Variants in ETNK1 observed in about 807,000 individuals in gnomAD.
ETNK1 encodes the protein ethanolamine kinase 1.
In ETNK1, 8 loss-of-function variants were observed where a neutral mutation model predicts 45.1. The ratio of observed to expected loss-of-function variants is 0.18; its 90% CI spans 0.10 to 0.32. The LOEUF is 0.32. Ranked by LOEUF, ETNK1 falls within the 10% of genes least tolerant of loss-of-function variation. The probability of loss-of-function intolerance (pLI) is 1.00; values close to 1 mark genes in which losing one functional copy is unlikely to be tolerated. For missense variants in ETNK1, 302 were observed against 430.6 expected, an observed-to-expected ratio of 0.70 and a Z score of 2.64; for synonymous variants, 152 against 151.9, an observed-to-expected ratio of 1.00 and a Z score of -0.01.
rs1954274106 is a variant in ETNK1 at position 22,688,033 on chromosome 12, G to T, written c.*3079G>T. The T allele has an allele frequency of 1.3e-5, 2 of 152,184 alleles. No homozygotes were observed. Among genetic ancestry groups the T allele is most frequent in the African/African-American group, 4.8e-5 (2 of 41,488 alleles). 9.4% of individuals were successfully genotyped at this position (152,184 alleles called of 1,614,324 possible). On this transcript the variant is annotated 3_prime_UTR_variant, in exon 8 of 8. Transcript: ENST00000266517. ...GTGAGGTTAGATTCCTGGAAGCAGTGAATTTATACACTGTTATATTAATAG... is the reference window on the plus strand; with the variant it reads ...GTGAGGTTAGATTCCTGGAAGCAGTTAATTTATACACTGTTATATTAATAG...
chr12:22,649,419 C>G (rs565213137), intron 2 of ETNK1, among the ~76,000 whole-genome samples: 2 of 152,092 alleles, frequency 1.3e-5, no homozygotes, highest in South Asian at 2.1e-4. Context: ...TGTCTAGATT[C>G]ATGTTTTTGC....
At chr12:22,680,714 G>A (rs1489903410) in intron 6 of ETNK1, among the ~76,000 whole-genome samples, 4 of 152,132 alleles carry the variant, frequency 2.6e-5, no homozygotes, top group African/African-American at 7.2e-5. Flanking sequence ...TACATGTTTT[G>A]AAATAGTATA....
intron 6 of ETNK1, chr12:22,682,378 A>T (rs575484499): frequency 2.6e-6 from 1 of 380,210 alleles, no homozygotes; most frequent in Non-Finnish European, 5.3e-6. Flanking sequence ...ATGTCTGCCA[A>T]ATACTCAAGT....
In ETNK1 at chr12:22,689,070, G is replaced by C. The variant is rs998701301; in HGVS notation, c.*4116G>C. On this transcript the variant is annotated 3_prime_UTR_variant, in exon 8 of 8. Coordinates refer to ENST00000266517, the MANE Select transcript of ETNK1 (RefSeq NM_018638.5). ...TGTGTTGCTGTAACAGAAAATACTT[G>C]GGTATGCATTACTTGAATACTTGAA... The C allele has an allele frequency of 6.6e-6, 1 of 151,706 alleles. No individual in the cohort carries two copies. Among genetic ancestry groups the C allele is most frequent in the Admixed American group, 6.6e-5 (1 of 15,236 alleles). The allele number at this position is 151,706 out of a possible 1,614,324, so 9.4% of individuals were successfully genotyped here. A position where few individuals can be genotyped will look rare whatever the true frequency, so the allele number is the denominator to read the frequency against.
At chr12:22,672,011 A>G (rs1954114206) in intron 5 of ETNK1, among the ~76,000 whole-genome samples, 1 of 152,038 alleles carries the variant, frequency 6.6e-6, no homozygotes, top group South Asian at 2.1e-4. Context: ...GAAACTCACC[A>G]AGGTCACAGT....
intron 3 of ETNK1, 24 bp from the exon 4 acceptor site, chr12:22,661,039 T>C: frequency 3.1e-6 from 5 of 1,592,660 alleles, no homozygotes; most frequent in Middle Eastern, 1.7e-4. Context: ...ACACAAGATA[T>C]AACTCTTCTT....
At position 22,659,108 on chromosome 12, in the gene ETNK1, TTCTC is replaced by T; in HGVS notation, c.516_519del (p.Leu173PhefsTer15). 6.2e-7 allele frequency: 1 copy of T among 1,613,760 alleles called. No homozygotes were observed. Among genetic ancestry groups the T allele is most frequent in the Non-Finnish European group, 8.5e-7 (1 of 1,179,752 alleles). On this transcript the variant is annotated frameshift_variant, in exon 3 of 8. Transcript: ENST00000266517. LOFTEE classifies it high-confidence loss of function. The stretch of plus-strand genomic sequence containing the variant: ...TCTTTGGCTAAAGATGGGAAAGTAT[TTCTC>T]TCTCATTCCCACAGGATTTGCAGAT...
chr12:22,658,732 A>G (rs916620870), intron 2 of ETNK1, among the ~76,000 whole-genome samples: 2 of 152,132 alleles, frequency 1.3e-5, no homozygotes, highest in Non-Finnish European at 2.9e-5. Flanking sequence ...TTCTGGGTAA[A>G]ACAACCTAAT....
intron 1 of ETNK1, among the ~76,000 whole-genome samples, chr12:22,632,384 A>G (rs920715607): frequency 3.3e-5 from 5 of 152,104 alleles, no homozygotes; most frequent in African/African-American, 9.7e-5. Context: ...TTTTTTCACT[A>G]GCCCTTTATA....
chr12:22,672,642 G>A (rs1387823364), intron 5 of ETNK1, among the ~76,000 whole-genome samples: 3 of 152,194 alleles, frequency 2.0e-5, no homozygotes, highest in Non-Finnish European at 2.9e-5. Flanking sequence ...GACAAAAAAA[G>A]TGAGCTAAAC....
At chr12:22,656,877 T>C (rs1565443497) in intron 2 of ETNK1, 1 of 868,844 alleles carries the variant, frequency 1.2e-6, no homozygotes, top group Non-Finnish European at 1.4e-6. Flanking sequence ...TTCTAAGATA[T>C]AATATTCTGT....
At chr12:22,669,670 T>G (rs1406151563) in intron 4 of ETNK1, among the ~76,000 whole-genome samples, 1 of 152,282 alleles carries the variant, frequency 6.6e-6, no homozygotes, top group East Asian at 1.9e-4. Context: ...TTCTGCAGTT[T>G]AGTAAAATGA....
rs751599669 is a variant in ETNK1, at chr12:22,625,219, G to T, written c.-212G>T. The T allele has an allele frequency of 2.5e-6, 4 of 1,610,418 alleles. No individual in the cohort carries two copies. The highest frequency in any genetic ancestry group is 1.6e-4 in the Middle Eastern group (1 of 6,076). ...GACAACAGGAATTTTCTCCGAGAGC[G>T]GGCCGGGCTCAGTTCAGCTGCTGTC... On this transcript the variant is annotated 5_prime_UTR_variant, in exon 1 of 8. Transcript: ENST00000266517.
chr12:22,636,522 A>G (rs76560088), intron 1 of ETNK1, among the ~76,000 whole-genome samples: 2,350 of 152,190 alleles, frequency 0.015, 31 homozygotes, highest in Middle Eastern at 0.041. Context: ...CCTTATCTTT[A>G]GTAATATTTC....
At chr12:22,644,233 A>T in intron 2 of ETNK1, 2 of 1,606,720 alleles carry the variant, frequency 1.2e-6, no homozygotes, top group Non-Finnish European at 8.5e-7. Flanking sequence ...GACTCTTTGC[A>T]AAGGAAAAAC....
At chr12:22,662,203 G>C (rs1370651063) in intron 4 of ETNK1, among the ~76,000 whole-genome samples, 1 of 149,394 alleles carries the variant, frequency 6.7e-6, no homozygotes, top group Non-Finnish European at 1.5e-5. Flanking sequence ...GAATAGTTGG[G>C]ATTACAGGTG....
At chr12:22,682,390 T>A (rs1049587411) in intron 6 of ETNK1, 4 of 351,924 alleles carry the variant, frequency 1.1e-5, no homozygotes, top group African/African-American at 8.7e-5. Flanking sequence ...TACTCAAGTC[T>A]GATAACTCTA....
At chr12:22,639,398 C>T (rs752479805) in intron 1 of ETNK1, among the ~76,000 whole-genome samples, 12 of 151,956 alleles carry the variant, frequency 7.9e-5, no homozygotes, top group Admixed American at 3.9e-4. Flanking sequence ...AAGATCTGGC[C>T]GGGCGCTGTG....
In ETNK1 at chr12:22,685,029, T is replaced by C. The variant is rs1954248433; in HGVS notation, c.*75T>C. On this transcript the variant is annotated 3_prime_UTR_variant, in exon 8 of 8. Coordinates refer to ENST00000266517, the MANE Select transcript of ETNK1 (RefSeq NM_018638.5). ...TTCTTAAGAAATCCCAAAAAGCCAA[T>C]ATTAGTTAAAATTCTGTTGTTTAAT... 1.9e-6 allele frequency: 2 copies of C among 1,057,060 alleles called. No individual in the cohort carries two copies. Among genetic ancestry groups the C allele is most frequent in the African/African-American group, 1.6e-5 (1 of 62,002 alleles). The allele number at this position is 1,057,060 out of a possible 1,614,324, so 65.5% of individuals were successfully genotyped here.
Sources: gnomAD v4.1 joint callset for allele counts (sites outside exome capture counted in the v4.1 genomes callset) on GRCh38, gnomAD v4.1.1 for gene constraint, MANE v1.5 for transcripts, NCBI Gene and HGNC (gene_info 2026-07-23, HGNC 2026-07-21) for gene names.